EGLN3: variants seen among roughly 807,000 people sequenced by gnomAD.
EGLN3 encodes egl-9 family hypoxia inducible factor 3, also known as prolyl hydroxylase EGLN3.
A neutral mutation model predicts 26.0 loss-of-function variants in EGLN3; 15 were observed. The observed-to-expected ratio is 0.58, with a 90% CI of 0.39 to 0.89. The LOEUF (loss-of-function observed/expected upper bound fraction) is 0.89. EGLN3 is among the 40% of genes least tolerant of loss of function. EGLN3 has a pLI of 0.00. For missense variants in EGLN3, 238 were observed against 311.6 expected, an observed-to-expected ratio of 0.76 and a Z score of 1.78; for synonymous variants, 147 against 127.2, an observed-to-expected ratio of 1.16 and a Z score of -1.05.
chr14:33,950,342 A>G (rs1438091520), intron 1 of EGLN3, 54 bp downstream of exon 1: 11 of 1,539,924 alleles, frequency 7.1e-6, no homozygotes, highest in Non-Finnish European at 9.0e-6. Context: ...ACGGACTCCG[A>G]GTGCCTCCCG....
At chr14:33,929,474 T>C (rs1426201271) in intron 2 of EGLN3, among the ~76,000 whole-genome samples, 1 of 152,202 alleles carries the variant, frequency 6.6e-6, no homozygotes, top group African/African-American at 2.4e-5. Flanking sequence ...TGCCTCAGCC[T>C]CCCGAGTAGC....
chr14:33,927,051 A>AT lies in EGLN3; in HGVS notation c.615-19dup. 2 of 1,560,692 alleles carry AT rather than the reference A, an allele frequency of 1.3e-6. No homozygotes were observed. Among genetic ancestry groups the AT allele is most frequent in the Non-Finnish European group, 1.7e-6 (2 of 1,152,304 alleles). ...TAGCATATCTGTGAAAGATAAGCAG[A>AT]TATAAGGAAAGAGATTTAATGGTAC... On this transcript the variant is annotated intron_variant, in intron 3 of 4. Coordinates refer to ENST00000250457, the MANE Select transcript of EGLN3 (RefSeq NM_022073.4).
chr14:33,932,839 G>GAATT (rs1207698841), intron 1 of EGLN3, among the ~76,000 whole-genome samples: 2 of 152,122 alleles, frequency 1.3e-5, no homozygotes, highest in African/African-American at 4.8e-5. Context: ...GTAGCAAACA[G>GAATT]AATTGATGGG....
chr14:33,934,361 T>C (rs1166686939), intron 1 of EGLN3, among the ~76,000 whole-genome samples: 1 of 149,080 alleles, frequency 6.7e-6, no homozygotes, highest in Non-Finnish European at 1.5e-5. Context: ...CACAGATATA[T>C]AGAACCGTAA....
At chr14:33,950,286 G>T (rs1286122577) in intron 1 of EGLN3, 110 bp downstream of exon 1, 4 of 1,052,578 alleles carry the variant, frequency 3.8e-6, no homozygotes, top group South Asian at 1.3e-5. Context: ...CTGACTTCTT[G>T]GTTAAAAAAC....
chr14:33,935,375 G>A lies in EGLN3; in HGVS notation c.358-4160C>T, dbSNP rs1211661662. Among the ~76,000 whole-genome samples the A allele has an allele frequency of 1.1e-4, 17 of 152,078 alleles. No individual in the cohort carries two copies. In the South Asian group the frequency reaches 2.1e-3, roughly 19 times the overall value. The stretch of plus-strand genomic sequence containing the variant: ...GGACTGGCAAACTAAAATAGCTTTC[G>A]ATGTTTGCGAGTAACAAATGATTGA... On this transcript the variant is annotated intron_variant, in intron 1 of 4. Transcript: ENST00000250457.
At chr14:33,933,232 C>T (rs933987719) in intron 1 of EGLN3, among the ~76,000 whole-genome samples, 3 of 149,730 alleles carry the variant, frequency 2.0e-5, no homozygotes, top group African/African-American at 7.4e-5. Context: ...ATCTAAGCAT[C>T]AACCCTTGAA....
At position 33,925,658 on chromosome 14, in the gene EGLN3, C is replaced by A; in HGVS notation, c.*233G>T. The A allele has an allele frequency of 1.8e-6, 1 of 555,364 alleles. No individual in the cohort carries two copies. The highest frequency in any genetic ancestry group is 2.3e-5 in the South Asian group (1 of 44,318). The allele number at this position is 555,364 out of a possible 1,614,324, so 34.4% of individuals were successfully genotyped here. On this transcript the variant is annotated 3_prime_UTR_variant, in exon 5 of 5. Transcript: ENST00000250457. The stretch of plus-strand genomic sequence containing the variant: ...AACCGCTGGCCGAGTAGGATGTCTG[C>A]AGGAATTTCTGGAGTTAGCAAGTAA...
At chr14:33,939,465 C>T (rs886283632) in intron 1 of EGLN3, among the ~76,000 whole-genome samples, 1 of 152,126 alleles carries the variant, frequency 6.6e-6, no homozygotes, top group Admixed American at 6.5e-5. Context: ...CCGCCTCGGC[C>T]GCCCAAAGTG....
At chr14:33,929,307 A>C in intron 2 of EGLN3, 95 bp from the exon 3 acceptor site, 1 of 1,469,218 alleles carries the variant, frequency 6.8e-7, no homozygotes. Context: ...CCATCTGCTA[A>C]CCACCACTCC....
At chr14:33,942,231 G>T (rs1389019225) in intron 1 of EGLN3, among the ~76,000 whole-genome samples, 1 of 151,296 alleles carries the variant, frequency 6.6e-6, no homozygotes, top group Non-Finnish European at 1.5e-5. Flanking sequence ...CCCCCTCAAG[G>T]ATTTTTCTAC....
intron 3 of EGLN3, among the ~76,000 whole-genome samples, chr14:33,928,233 T>A (rs1235778069): frequency 6.6e-6 from 1 of 152,102 alleles, no homozygotes; most frequent in African/African-American, 2.4e-5. Flanking sequence ...TATAACTGGG[T>A]TTGGGGCTAA....
chr14:33,935,588 C>A (rs1326531798), intron 1 of EGLN3, among the ~76,000 whole-genome samples: 2 of 43,332 alleles, frequency 4.6e-5, no homozygotes, highest in Non-Finnish European at 8.7e-5. Context: ...TAAATAAATA[C>A]ACACACACAC....
intron 2 of EGLN3, among the ~76,000 whole-genome samples, chr14:33,930,893 A>G (rs1769605): frequency 0.9 from 137,092 of 152,128 alleles, 62,525 homozygotes; most frequent in Non-Finnish European, 0.97. Flanking sequence ...TACCTACCCC[A>G]CTCCAAATTA....
intron 1 of EGLN3, among the ~76,000 whole-genome samples, chr14:33,946,377 A>G (rs1056492990): frequency 2.6e-5 from 2 of 75,528 alleles, no homozygotes; most frequent in East Asian, 3.4e-4. Flanking sequence ...ACTCTGTCTC[A>G]ATAAATAAAT....
chr14:33,936,148 T>C (rs2064441092), intron 1 of EGLN3, among the ~76,000 whole-genome samples: 1 of 152,106 alleles, frequency 6.6e-6, no homozygotes, highest in Admixed American at 6.5e-5. Context: ...GAGAATTGCT[T>C]GAACCTGGGA....
chr14:33,928,661 C>G (rs2064379147), intron 3 of EGLN3, among the ~76,000 whole-genome samples: 1 of 152,120 alleles, frequency 6.6e-6, no homozygotes. Flanking sequence ...GGCTCTTTCT[C>G]TGCTTGCAAT....
chr14:33,946,537 G>T (rs1041806993), intron 1 of EGLN3, among the ~76,000 whole-genome samples: 1 of 152,012 alleles, frequency 6.6e-6, no homozygotes, highest in Admixed American at 6.6e-5. Context: ...CAAAGTATAC[G>T]AAAGTATAAA....
chr14:33,950,673 C>G lies in EGLN3; in HGVS notation c.80G>C (p.Gly27Ala). Residue 27 changes from glycine (G) to alanine (A), a missense_variant, in exon 1 of 5, where the codon GGC becomes GCC. By Grantham distance (60) the Gly-to-Ala change is moderately conservative (BLOSUM62 0). Transcript: ENST00000250457. ...EYIVPCLHEV[G>A]FCYLDNFLGE... ...CAGGAAGTTGTCCAGGTAGCAGAAG[C>G]CCACCTCGTGCAGACAGGGCACGAT... 1 of 1,614,082 alleles carries G rather than the reference C, an allele frequency of 6.2e-7. No individual in the cohort carries two copies. The highest frequency in any genetic ancestry group is 2.2e-5 in the East Asian group (1 of 44,864).
Sources: allele counts gnomAD v4.1 joint callset (sites outside exome capture counted in the v4.1 genomes callset), GRCh38; gene constraint gnomAD v4.1.1; transcripts MANE v1.5; gene names NCBI Gene and HGNC (gene_info 2026-07-23, HGNC 2026-07-21).